Variants in POC5 observed in about 807,000 individuals in gnomAD.
POC5 encodes centrosomal protein POC5.
POC5 carries 48 observed loss-of-function variants against 62.9 expected under a neutral mutation model. The ratio of observed to expected loss-of-function variants is 0.76; its 90% CI spans 0.61 to 0.97. POC5 has a LOEUF of 0.97. Among genes scored for constraint, POC5 ranks in the 50% least tolerant of loss-of-function variants. The pLI, the probability that POC5 is intolerant of heterozygous loss-of-function variation, is 0.00. For missense variants in POC5, 696 were observed against 679.5 expected (o/e 1.02, Z -0.27); for synonymous variants, 236 against 228.2 (o/e 1.03, Z -0.31).
intron 1 of POC5, among the ~76,000 whole-genome samples, chr5:75,715,356 T>C (rs533252934): frequency 1.1e-3 from 166 of 149,530 alleles, no homozygotes; most frequent in African/African-American, 3.8e-3. Context: ...GGGTAATTTA[T>C]AAATAAAAGA....
intron 1 of POC5, among the ~76,000 whole-genome samples, chr5:75,715,289 G>A (rs1777507153): frequency 1.5e-5 from 2 of 129,928 alleles, no homozygotes; most frequent in South Asian, 2.4e-4. Context: ...CAGCCTGGGC[G>A]ACAGAGTGAG....
At chr5:75,675,232 CTATG>C (rs2112058348) in intron 11 of POC5, among the ~76,000 whole-genome samples, 1 of 150,996 alleles carries the variant, frequency 6.6e-6, no homozygotes, top group African/African-American at 2.5e-5. Flanking sequence ...TAAGTACACA[CTATG>C]TATACAAGTA....
intron 10 of POC5, among the ~76,000 whole-genome samples, chr5:75,682,275 C>T (rs1775896845): frequency 6.6e-6 from 1 of 152,216 alleles, no homozygotes; most frequent in Admixed American, 6.5e-5. Flanking sequence ...CATACATATT[C>T]AGGTTTACAT....
chr5:75,712,731 T>A, intron 2 of POC5, 123 bp downstream of exon 2: 1 of 795,154 alleles, frequency 1.3e-6, no homozygotes, highest in South Asian at 1.8e-5. Context: ...AGTTTGATAT[T>A]ATTATAAATT....
At chr5:75,700,414 G>A (rs998979470) in intron 5 of POC5, among the ~76,000 whole-genome samples, 1 of 151,710 alleles carries the variant, frequency 6.6e-6, no homozygotes, top group Non-Finnish European at 1.5e-5. Context: ...AAATAATGCC[G>A]CTTATCTACA....
intron 10 of POC5, among the ~76,000 whole-genome samples, chr5:75,683,400 AT>A (rs1393180735): frequency 2.0e-5 from 3 of 151,788 alleles, no homozygotes; most frequent in Non-Finnish European, 4.4e-5. Flanking sequence ...TGCCCGGCTA[AT>A]TTTTTATATT....
At position 75,693,795 on chromosome 5, in the gene POC5, G is replaced by T. The variant is rs558093064; in HGVS notation, c.690+860C>A. Among the ~76,000 whole-genome samples the T allele has an allele frequency of 2.6e-5, 4 of 152,238 alleles. No individual in the cohort carries two copies. In the East Asian group the frequency reaches 7.7e-4, roughly 29 times the overall value. On this transcript the variant is annotated intron_variant, in intron 6 of 11. Transcript: ENST00000428202. ...AACACCACTCTCCTATCCATAAGTG[G>T]ATGCCCCTCCGGACATCCATTTATA...
In POC5 at chr5:75,677,781, A is replaced by G; in HGVS notation, c.1577T>C (p.Val526Ala). ...CATCAAATGTGGACTCACCACTGTG[A>G]CTGGATGATGTTTTTCCACAACAAC... ...SSVVVEKHHP[V>A]TVQTIPQATA... The change falls in exon 11 of 12, where the codon GTC becomes GCC. Residue 526 changes from valine (V) to alanine (A), a missense_variant. Coordinates refer to ENST00000428202, the MANE Select transcript of POC5 (RefSeq NM_001099271.2). 6.2e-7 allele frequency: 1 copy of G among 1,606,142 alleles called. No individual in the cohort carries two copies. Among genetic ancestry groups the G allele is most frequent in the Non-Finnish European group, 8.5e-7 (1 of 1,176,144 alleles).
chr5:75,717,142 T>C (rs1047397226), intron 1 of POC5, among the ~76,000 whole-genome samples, 164 bp downstream of exon 1: 2 of 152,174 alleles, frequency 1.3e-5, no homozygotes, highest in African/African-American at 4.8e-5. Context: ...CCTGCACGCC[T>C]CGGAGGGGAA....
At chr5:75,688,263 G>A (rs16872769) in intron 9 of POC5, among the ~76,000 whole-genome samples, 7,537 of 152,202 alleles carry the variant, frequency 0.05, 646 homozygotes, top group African/African-American at 0.17. Flanking sequence ...ACGTTAAAGT[G>A]CATTTTGTCT....
At chr5:75,690,286 GATTAAAGA>G in intron 8 of POC5, 89 bp downstream of exon 8, 4 of 1,173,274 alleles carry the variant, frequency 3.4e-6, no homozygotes, top group Non-Finnish European at 4.7e-6. Context: ...CTGCATTCTT[GATTAAAGA>G]CCAAAAGAAG....
chr5:75,691,475 A>T (rs989009706), intron 7 of POC5, among the ~76,000 whole-genome samples: 2 of 152,204 alleles, frequency 1.3e-5, no homozygotes, highest in East Asian at 3.8e-4. Context: ...AATTATTAAA[A>T]ATATTGTATA....
chr5:75,674,524 T>G lies in POC5; in HGVS notation c.1639A>C (p.Ser547Arg), dbSNP rs1775580143. The change falls in exon 12 of 12, where the codon AGT (serine) becomes CGT (arginine). Residue 547 changes from serine to arginine, a missense_variant. By Grantham distance (110) the Ser-to-Arg change is moderately radical. Coordinates refer to ENST00000428202, the MANE Select transcript of POC5 (RefSeq NM_001099271.2). Reference protein sequence around the residue: ...AKYPRTIHPESSTSASRSLGT... With the variant: ...AKYPRTIHPERSTSASRSLGT... Reference sequence around the variant, plus strand: ...AGTGATCTGGAAGCTGAGGTACTACTTTCAGGATGAATGGTCCGGGGATAT... The same window carrying G: ...AGTGATCTGGAAGCTGAGGTACTACGTTCAGGATGAATGGTCCGGGGATAT... The G allele has an allele frequency of 6.2e-7, 1 of 1,613,912 alleles. No homozygotes were observed. Among genetic ancestry groups the G allele is most frequent in the African/African-American group, 1.3e-5 (1 of 74,952 alleles).
chr5:75,712,455 A>T, intron 2 of POC5: 1 of 1,607,074 alleles, frequency 6.2e-7, no homozygotes, highest in Non-Finnish European at 8.5e-7. Flanking sequence ...ACCAAACCTC[A>T]GCAAGTAGAA....
chr5:75,680,105 T>G (rs1775814546), intron 10 of POC5, among the ~76,000 whole-genome samples: 2 of 152,168 alleles, frequency 1.3e-5, no homozygotes, highest in African/African-American at 4.8e-5. Context: ...TCCTATTACT[T>G]ATTACAATAA....
At chr5:75,694,568 T>C (rs1776478788) in intron 6 of POC5, 87 bp downstream of exon 6, 4 of 1,089,426 alleles carry the variant, frequency 3.7e-6, no homozygotes, top group Non-Finnish European at 5.1e-6. Flanking sequence ...CTGTATCTTG[T>C]ATGAGGTAAA....
intron 4 of POC5, among the ~76,000 whole-genome samples, chr5:75,704,950 A>C (rs1380865917): frequency 2.0e-5 from 3 of 152,232 alleles, no homozygotes; most frequent in African/African-American, 7.2e-5. Flanking sequence ...CTGTAATCCC[A>C]GCACTTTGGG....
intron 3 of POC5, 146 bp downstream of exon 3, chr5:75,707,591 T>C: frequency 3.3e-6 from 2 of 598,496 alleles, no homozygotes; most frequent in African/African-American, 1.9e-5. Flanking sequence ...TATTAAAATG[T>C]AAAAAGCTCC....
intron 5 of POC5, among the ~76,000 whole-genome samples, chr5:75,697,672 A>C (rs555844676): frequency 7.2e-5 from 11 of 152,130 alleles, no homozygotes; most frequent in Non-Finnish European, 1.2e-4. Context: ...ATCAGCTAAC[A>C]TCATAATGTC....
Sources: allele counts gnomAD v4.1 joint callset (sites outside exome capture counted in the v4.1 genomes callset), GRCh38; gene constraint gnomAD v4.1.1; transcripts MANE v1.5; gene names NCBI Gene and HGNC (gene_info 2026-07-23, HGNC 2026-07-21).